Variants in HOXA10 observed in about 807,000 individuals in gnomAD.
HOXA10 encodes the protein homeobox A10.
HOXA10 carries 12 observed loss-of-function variants against 29.7 expected under a neutral mutation model. The ratio of observed to expected loss-of-function variants is 0.40; its 90% confidence interval spans 0.26 to 0.65. HOXA10 has a LOEUF of 0.65. HOXA10 is among the 30% of genes least tolerant of loss of function. HOXA10 has a pLI of 0.37. For synonymous variants in HOXA10, 327 were observed against 280.7 expected (o/e 1.16, Z -1.65); for missense variants, 656 against 585.9 (o/e 1.12, Z -1.24).
intron 1 of HOXA10, among the ~76,000 whole-genome samples, chr7:27,179,450 G>A (rs1329041310): frequency 3.3e-5 from 5 of 152,088 alleles, no homozygotes; most frequent in Non-Finnish European, 5.9e-5. Flanking sequence ...TGAAATGCTG[G>A]CGCAAGGAGC....
chr7:27,179,657 TC>T, exon 1 of HOXA10: 1 of 779,322 alleles, frequency 1.3e-6, no homozygotes, highest in Non-Finnish European at 2.4e-6. Flanking sequence ...TTGACACATT[TC>T]CGAAATCACT....
At position 27,173,584 on chromosome 7, in the gene HOXA10, G is replaced by A. The variant is rs1413406253; in HGVS notation, c.723C>T (p.Phe241=). 5 of 1,490,998 alleles carry A rather than the reference G, an allele frequency of 3.4e-6. No homozygotes were observed. The highest frequency in any genetic ancestry group is 2.6e-5 in the South Asian group (2 of 77,328). The allele number at this position is 1,490,998 out of a possible 1,614,324, so 92.4% of individuals were successfully genotyped here. Residue 241 remains phenylalanine (F), a synonymous_variant, in exon 1 of 2, where the codon TTC becomes TTT. Coordinates refer to ENST00000283921, the MANE Select transcript of HOXA10 (RefSeq NM_018951.4). ...GGAQQLGAGP[F]PAQPPGRGFD... Reference sequence around the variant, plus strand: ...AACCGCGCCCCGGGGGCTGCGCGGGGAACGGGCCAGCCCCGAGTTGCTGCG... The same window carrying A: ...AACCGCGCCCCGGGGGCTGCGCGGGAAACGGGCCAGCCCCGAGTTGCTGCG...
Position 27,172,167 on chromosome 7 carries a change from G to A in HOXA10, c.965C>T (p.Ser322Phe), listed in dbSNP as rs190612258. Residue 322 changes from serine (S) to phenylalanine (F), a missense_variant, in exon 2 of 2, where the codon TCC becomes TTC. Transcript: ENST00000283921. Reference sequence around the variant, plus strand: ...CCAGTTGGCTGCGTTTTCACCTTTGGAATTGCCTGGCATGTAAGAGAATAA... The same window carrying A: ...CCAGTTGGCTGCGTTTTCACCTTTGAAATTGCCTGGCATGTAAGAGAATAA... ...ASPEKDSLGN[S>F]KGENAANWLT... 172 of 1,613,876 alleles carry A rather than the reference G, an allele frequency of 1.1e-4. No homozygotes were observed. The East Asian group carries it at 3.1e-3, about 29-fold the overall frequency.
At chr7:27,177,466 G>A (rs1322964617), upstream of HOXA10, among the ~76,000 whole-genome samples, 1 of 152,130 alleles carries the variant, frequency 6.6e-6, no homozygotes, top group Non-Finnish European at 1.5e-5. Context: ...CAGGCGGGCC[G>A]GCTGCTGCTG....
rs749765934 is a variant in HOXA10 at position 27,172,040 on chromosome 7, C to G, written c.1092G>C (p.Glu364Asp). ...EFLFNMYLTR[E>D]RRLEISRSVH... The stretch of plus-strand genomic sequence containing the variant: ...CGCTGCGGCTAATCTCTAGGCGCCG[C>G]TCTCGAGTAAGGTACATATTGAACA... The change falls in exon 2 of 2, where the codon GAG becomes GAC. Residue 364 changes from glutamate to aspartate, a missense_variant. Physicochemically the swap from Glu to Asp is conservative, Grantham distance 45. Transcript: ENST00000283921. The G allele has an allele frequency of 2.5e-6, 4 of 1,614,022 alleles. No homozygotes were observed. Among genetic ancestry groups the G allele is most frequent in the Non-Finnish European group, 2.5e-6 (3 of 1,179,952 alleles).
chr7:27,172,199 G>T, intron 1 of HOXA10, 26 bp from the exon 2 acceptor site: 22 of 1,612,702 alleles, frequency 1.4e-5, no homozygotes, highest in Non-Finnish European at 1.9e-5. Flanking sequence ...ATAAAGAGGG[G>T]ATGATTAAGT....
chr7:27,179,126 G>T (rs1205394328), upstream of HOXA10, among the ~76,000 whole-genome samples: 1 of 152,154 alleles, frequency 6.6e-6, no homozygotes, highest in Non-Finnish European at 1.5e-5. Context: ...CGACTTCTCC[G>T]AATTGGCCTT....
In HOXA10 at chr7:27,172,122, C is replaced by A. The variant is rs1345260983; in HGVS notation, c.1010G>T (p.Arg337Leu). The A allele has an allele frequency of 6.2e-7, 1 of 1,613,726 alleles. No homozygotes were observed. The highest frequency in any genetic ancestry group is 8.5e-7 in the Non-Finnish European group (1 of 1,179,972). Residue 337 changes from arginine to leucine, a missense_variant, in exon 2 of 2, where the codon CGG becomes CTG. Around this residue, in one of 2 missense-constraint regions of HOXA10, gnomAD observed 62 missense variants for 94.0 expected, o/e 0.66. Transcript: ENST00000283921. ...CTTCGTGTAGGGGCAGCGCTTCTTC[C>A]GACCACTCTTTGCCGTGAGCCAGTT... Reference protein sequence around the residue: ...AANWLTAKSGRKKRCPYTKHQ... With the variant: ...AANWLTAKSGLKKRCPYTKHQ...
rs2115450803 is a variant in HOXA10 at position 27,172,597 on chromosome 7, C to A, written c.959-424G>T. ...TGGGCCAGGCAGCTTGGCTGTCTCA[C>A]CCCAGGGCCCTGATTGCCCAAGACT... On this transcript the variant is annotated intron_variant, in intron 1 of 1. Transcript: ENST00000283921. The A allele has an allele frequency of 1.6e-5, 4 of 247,154 alleles. No homozygotes were observed. In the Admixed American group the frequency reaches 2.1e-4, roughly 13 times the overall value. 15.3% of individuals were successfully genotyped at this position (247,154 alleles called of 1,614,324 possible).
At chr7:27,174,385 A>G, upstream of HOXA10, 1 of 1,572,404 alleles carries the variant, frequency 6.4e-7, no homozygotes, top group Non-Finnish European at 8.6e-7. Context: ...CCCGAGCCAG[A>G]GTTTCCGCGC....
At chr7:27,179,798 C>T in exon 1 of HOXA10, 1 of 704,968 alleles carries the variant, frequency 1.4e-6, no homozygotes. Context: ...GGGAGCGGGA[C>T]AAGTGAAATA....
chr7:27,178,293 A>C (rs1300172353), upstream of HOXA10, among the ~76,000 whole-genome samples: 1 of 152,274 alleles, frequency 6.6e-6, no homozygotes, highest in Admixed American at 6.5e-5. Flanking sequence ...ATGCATAGTT[A>C]GAAAATTTTT....
intron 1 of HOXA10, 158 bp from the exon 2 acceptor site, chr7:27,172,331 C>T: frequency 1.4e-6 from 1 of 692,224 alleles, no homozygotes; most frequent in Non-Finnish European, 2.5e-6. Flanking sequence ...CAAGCAGTTC[C>T]TCCAAAAGTC....
intron 1 of HOXA10, chr7:27,179,640 T>C (rs1346038740): frequency 2.6e-6 from 2 of 778,668 alleles, no homozygotes; most frequent in Non-Finnish European, 4.8e-6. Flanking sequence ...ACTTGTGGCC[T>C]CTTACCTTGA....
chr7:27,179,051 G>T (rs536384531), upstream of HOXA10, among the ~76,000 whole-genome samples: 3 of 152,324 alleles, frequency 2.0e-5, no homozygotes, highest in South Asian at 6.2e-4. Context: ...TTGCAGCTGG[G>T]TTTATAACAG....
At chr7:27,179,524 G>T in intron 1 of HOXA10, 2 of 708,116 alleles carry the variant, frequency 2.8e-6, no homozygotes, top group South Asian at 1.5e-5. Context: ...GCAATGGGGT[G>T]GGGGCTCCCT....
In HOXA10 at chr7:27,173,911, C is replaced by A. The variant is rs1181939532; in HGVS notation, c.396G>T (p.Gly132=). 4 of 1,522,298 alleles carry A rather than the reference C, an allele frequency of 2.6e-6. No individual in the cohort carries two copies. Among genetic ancestry groups the A allele is most frequent in the Non-Finnish European group, 3.5e-6 (4 of 1,137,102 alleles). The allele number at this position is 1,522,298 out of a possible 1,614,324, so 94.3% of individuals were successfully genotyped here. A position where few individuals can be genotyped will look rare whatever the true frequency, so the allele number is the denominator to read the frequency against. Residue 132 remains glycine, a synonymous_variant, in exon 1 of 2, where the codon GGG becomes GGT. Coordinates refer to ENST00000283921, the MANE Select transcript of HOXA10 (RefSeq NM_018951.4). ...PRSCRMEPPD[G]PPPPPQQQPP... is the part of the protein sequence containing the mutation. Reference sequence around the variant, plus strand: ...GCTGCTGCTGGGGCGGCGGCGGCGGCCCGTCAGGCGGCTCCATCCGGCAAG... The same window carrying A: ...GCTGCTGCTGGGGCGGCGGCGGCGGACCGTCAGGCGGCTCCATCCGGCAAG...
In HOXA10 at chr7:27,173,304, TGCCTGTCTGCCC is replaced by T. The variant is rs758498547; in HGVS notation, c.958+33_958+44del. The T allele has an allele frequency of 2.0e-5, 32 of 1,608,724 alleles. No individual in the cohort carries two copies. The East Asian group carries it at 6.9e-4, about 35-fold the overall frequency. ...TTCTGATCCTTCTCCTCCTTGTGTCTGCCTGTCTGCCCGCCTGACTGCAGCCCTCTGCAGCCC... is the reference window on the plus strand; with the variant it reads ...TTCTGATCCTTCTCCTCCTTGTGTCTGCCTGACTGCAGCCCTCTGCAGCCC... On this transcript the variant is annotated intron_variant, in intron 1 of 1. Transcript: ENST00000283921.
chr7:27,171,922 T>A lies in HOXA10; in HGVS notation c.1210A>T (p.Thr404Ser). The change falls in exon 2 of 2, where the codon ACA becomes TCA. Residue 404 changes from threonine (T) to serine (S), a missense_variant. Around this residue, in one of 2 missense-constraint regions of HOXA10, gnomAD observed 62 missense variants for 94.0 expected, o/e 0.66. Coordinates refer to ENST00000283921, the MANE Select transcript of HOXA10 (RefSeq NM_018951.4). ...MNRENRIREL[T>S]ANFNFS ...CATCAGGAAAAATTAAAGTTGGCTG[T>A]GAGCTCCCGGATCCGGTTTTCTCGA... The A allele has an allele frequency of 6.2e-7, 1 of 1,614,206 alleles. No homozygotes were observed. Among genetic ancestry groups the A allele is most frequent in the Non-Finnish European group, 8.5e-7 (1 of 1,180,042 alleles).
Sources: gnomAD v4.1 joint callset for allele counts (sites outside exome capture counted in the v4.1 genomes callset) on GRCh38, gnomAD v4.1.1 for gene constraint, gnomAD v4.1.1 regional missense constraint, MANE v1.5 for transcripts, NCBI Gene and HGNC (gene_info 2026-07-23, HGNC 2026-07-21) for gene names.